Variants in TTLL11 observed in about 807,000 individuals in gnomAD.
TTLL11 encodes the protein tubulin tyrosine ligase like 11, also known as tubulin polyglutamylase TTLL11.
In TTLL11, 42 loss-of-function variants were observed where a neutral mutation model predicts 51.7. That is an observed-to-expected ratio of 0.81 (90% CI 0.64 to 1.05). TTLL11 has a LOEUF of 1.05. Among genes scored for constraint, TTLL11 ranks in the 50% least tolerant of loss-of-function variants. TTLL11 has a pLI of 0.00. For synonymous variants in TTLL11, 381 were observed against 383.5 expected, an observed-to-expected ratio of 0.99 and a Z score of 0.08; for missense variants, 799 against 940.4, an observed-to-expected ratio of 0.85 and a Z score of 1.97.
At chr9:121,895,579 TTGTG>T (rs1036077227) in intron 6 of TTLL11, among the ~76,000 whole-genome samples, 2 of 150,298 alleles carry the variant, frequency 1.3e-5, no homozygotes, top group African/African-American at 2.4e-5. Context: ...GGTTGTGTGT[TTGTG>T]TGACTGTGTG....
Position 122,034,754 on chromosome 9 carries a change from G to A in TTLL11, c.560-2898C>T, listed in dbSNP as rs16911315. Reference sequence around the variant, plus strand: ...AGGGTTTCTAGCTGATCCAGGGCACGCGTTCCCAGAGTAAATCTGTGAGAA... The same window carrying A: ...AGGGTTTCTAGCTGATCCAGGGCACACGTTCCCAGAGTAAATCTGTGAGAA... On this transcript the variant is annotated intron_variant, in intron 2 of 8. Coordinates refer to ENST00000321582, the MANE Select transcript of TTLL11 (RefSeq NM_001139442.2). Among the ~76,000 whole-genome samples the A allele has an allele frequency of 6.9e-3, 1,045 of 152,248 alleles. 24 individuals are homozygous for A. In the East Asian group the frequency reaches 0.088, roughly 13 times the overall value.
At chr9:121,879,503 G>C (rs1411422255) in intron 6 of TTLL11, among the ~76,000 whole-genome samples, 1 of 152,182 alleles carries the variant, frequency 6.6e-6, no homozygotes, top group Non-Finnish European at 1.5e-5. Flanking sequence ...TACAGAAAAA[G>C]TCAGATTTTG....
chr9:122,026,560 T>C (rs770772632), intron 3 of TTLL11, among the ~76,000 whole-genome samples: 11 of 152,110 alleles, frequency 7.2e-5, no homozygotes, highest in Non-Finnish European at 1.2e-4. Context: ...TTTTTACATA[T>C]ATGAAATGTA....
chr9:121,846,249 T>C (rs551029895), intron 8 of TTLL11, among the ~76,000 whole-genome samples: 40 of 152,290 alleles, frequency 2.6e-4, no homozygotes, highest in African/African-American at 9.6e-4. Context: ...CCTTAACATG[T>C]ATGCACCTAA....
rs183517933 is a variant in TTLL11, at chr9:122,004,688, T to C, written c.694-14918A>G. Among the ~76,000 whole-genome samples the C allele has an allele frequency of 1.1e-3, 170 of 152,330 alleles. 3 individuals carry two copies. The highest frequency in any genetic ancestry group is 3.4e-4 in the Non-Finnish European group (23 of 68,024). The stretch of plus-strand genomic sequence containing the variant: ...TGAGATAGCGATTATTTGAGTTTGA[T>C]AGACTGAAAGCAGTACTGCAAGGCC... On this transcript the variant is annotated intron_variant, in intron 3 of 8. Coordinates refer to ENST00000321582, the MANE Select transcript of TTLL11 (RefSeq NM_001139442.2).
intron 6 of TTLL11, among the ~76,000 whole-genome samples, chr9:121,962,005 G>A (rs1458797974): frequency 4.6e-5 from 7 of 152,184 alleles, no homozygotes; most frequent in African/African-American, 1.7e-4. Flanking sequence ...GCAGTGAGCT[G>A]AGATCGTGCC....
intron 6 of TTLL11, among the ~76,000 whole-genome samples, chr9:121,873,000 A>G (rs1220559143): frequency 6.6e-6 from 1 of 152,244 alleles, no homozygotes; most frequent in Non-Finnish European, 1.5e-5. Context: ...ATAGGAAGAA[A>G]GATGAGAAAA....
chr9:121,895,353 CGTGT>C (rs60918422), intron 6 of TTLL11, among the ~76,000 whole-genome samples: 48,292 of 150,266 alleles, frequency 0.32, 8,472 homozygotes, highest in East Asian at 0.51. Flanking sequence ...TGGCTGTGTG[CGTGT>C]GTGTGTATTG....
intron 1 of TTLL11, among the ~76,000 whole-genome samples, chr9:122,065,813 T>C (rs967604520): frequency 6.6e-6 from 1 of 152,156 alleles, no homozygotes; most frequent in East Asian, 1.9e-4. Context: ...CAAATGTTTG[T>C]CAATGAATAA....
In TTLL11 at chr9:121,820,614, T is replaced by C. The variant is rs1836547826; in HGVS notation, c.*1973A>G. ...ACAAGGAGCCAAAGACAGACACACC[T>C]GGACCAAGTCCTGACTACATGGCCT... On this transcript the variant is annotated 3_prime_UTR_variant, in exon 9 of 9. Transcript: ENST00000321582. Among the ~76,000 whole-genome samples the C allele has an allele frequency of 6.6e-6, 1 of 152,070 alleles. No homozygotes were observed. The highest frequency in any genetic ancestry group is 2.4e-5 in the African/African-American group (1 of 41,404).
chr9:122,046,681 C>T (rs1845012911), intron 1 of TTLL11, among the ~76,000 whole-genome samples: 1 of 152,178 alleles, frequency 6.6e-6, no homozygotes, highest in South Asian at 2.1e-4. Flanking sequence ...TCTTCAGACA[C>T]TTTTGGAAAA....
At chr9:121,832,763 A>G (rs1837058706) in intron 8 of TTLL11, among the ~76,000 whole-genome samples, 2 of 152,154 alleles carry the variant, frequency 1.3e-5, no homozygotes, top group African/African-American at 2.4e-5. Flanking sequence ...AACACGGTGA[A>G]ACCCTGTCTC....
chr9:121,854,927 CT>C (rs574198824), intron 8 of TTLL11, among the ~76,000 whole-genome samples: 4 of 152,004 alleles, frequency 2.6e-5, no homozygotes, highest in Admixed American at 2.0e-4. Flanking sequence ...AAATTCTTAT[CT>C]TTTTTTTAAA....
chr9:122,056,219 G>C (rs536617122), intron 1 of TTLL11, among the ~76,000 whole-genome samples: 1 of 152,208 alleles, frequency 6.6e-6, no homozygotes, highest in South Asian at 2.1e-4. Flanking sequence ...TGCTCCTCCT[G>C]ATCCCAAAAC....
chr9:122,070,012 C>A (rs71509587), intron 1 of TTLL11, among the ~76,000 whole-genome samples: 2,841 of 145,592 alleles, frequency 0.02, 42 homozygotes, highest in Non-Finnish European at 0.029. Flanking sequence ...CACACACACA[C>A]GCGCACACAC....
chr9:122,025,467 T>C (rs1278440448), intron 3 of TTLL11, among the ~76,000 whole-genome samples: 1 of 152,052 alleles, frequency 6.6e-6, no homozygotes, highest in African/African-American at 2.4e-5. Flanking sequence ...ACCCTGTTTT[T>C]ACAAAAAATA....
At position 122,037,433 on chromosome 9, in the gene TTLL11, G is replaced by C. The variant is rs1003937267; in HGVS notation, c.559+1839C>G. 2.6e-5 allele frequency among the ~76,000 whole-genome samples: 4 copies of C among 152,206 alleles called. 1 individual carries two copies. The highest frequency in any genetic ancestry group is 2.6e-4 in the Admixed American group (4 of 15,296). On this transcript the variant is annotated intron_variant, in intron 2 of 8. Coordinates refer to ENST00000321582, the MANE Select transcript of TTLL11 (RefSeq NM_001139442.2). ...TTAACTTTCTATCTCAGTTCCCCTA[G>C]AAAACAATGAAGGTAGAATGTTAGC...
At chr9:121,962,453 C>A (rs1842260150) in intron 6 of TTLL11, among the ~76,000 whole-genome samples, 1 of 152,190 alleles carries the variant, frequency 6.6e-6, no homozygotes, top group Admixed American at 6.5e-5. Flanking sequence ...TATATTCTTA[C>A]TTATCCAAGC....
intron 7 of TTLL11, among the ~76,000 whole-genome samples, chr9:121,861,595 C>T (rs965672461): frequency 2.0e-5 from 3 of 152,138 alleles, no homozygotes; most frequent in Non-Finnish European, 2.9e-5. Context: ...CCACCAGCAA[C>T]GTGTCCTCAT....
Sources: allele counts gnomAD v4.1 joint callset (sites outside exome capture counted in the v4.1 genomes callset), GRCh38; gene constraint gnomAD v4.1.1; transcripts MANE v1.5; gene names NCBI Gene and HGNC (gene_info 2026-07-23, HGNC 2026-07-21).